Variants in NDUFA11 observed in about 807,000 individuals in gnomAD.
NDUFA11 encodes the protein NADH dehydrogenase [ubiquinone] 1 alpha subcomplex subunit 11.
NDUFA11 carries 14 observed loss-of-function variants against 11.3 expected under a neutral mutation model. That is an observed-to-expected ratio of 1.24 (90% CI 0.82 to 1.94). The LOEUF is 1.94. NDUFA11 is among the 30% of genes most tolerant of loss of function. The pLI is 0.00. For synonymous variants in NDUFA11, 87 were observed against 85.6 expected (o/e 1.02, Z -0.09); for missense variants, 204 against 200.3 (o/e 1.02, Z -0.11).
chr19:5,894,907 G>C, intron 3 of NDUFA11, 53 bp from the exon 4 acceptor site: 1 of 1,534,564 alleles, frequency 6.5e-7, no homozygotes, highest in Non-Finnish European at 8.8e-7. Flanking sequence ...GCCGGACCAA[G>C]ACGCTCCACG....
Position 5,896,901 on chromosome 19 carries a change from T to C in NDUFA11, c.190+4A>G, listed in dbSNP as rs2057613340. 6.2e-7 allele frequency: 1 copy of C among 1,612,810 alleles called. No homozygotes were observed. The highest frequency in any genetic ancestry group is 8.5e-7 in the Non-Finnish European group (1 of 1,178,964). ...CCCAGCCATGCCCAGCCCAGCGTGC[T>C]CACCTGCAGTGAACGTGTATTGTCC... On this transcript the variant is annotated splice_donor_region_variant and intron_variant, in intron 2 of 3. Transcript: ENST00000308961. This position sits in a 1 kb window ranked among gnomAD's most constrained non-coding sequence, Gnocchi z 5.8.
In NDUFA11 at chr19:5,896,641, C is replaced by T; in HGVS notation, c.191-66G>A. The T allele has an allele frequency of 6.5e-7, 1 of 1,549,222 alleles. No individual in the cohort carries two copies. Among genetic ancestry groups the T allele is most frequent in the Non-Finnish European group, 8.7e-7 (1 of 1,146,434 alleles). Reference sequence around the variant, plus strand: ...ACAGCAGGAGCCTCTTGGGCGCTCACTGCCAGTGTCTGGATGGAGAGAGAT... The same window carrying T: ...ACAGCAGGAGCCTCTTGGGCGCTCATTGCCAGTGTCTGGATGGAGAGAGAT... On this transcript the variant is annotated intron_variant, in intron 2 of 3. Transcript: ENST00000308961. This position sits in a 1 kb window ranked among gnomAD's most constrained non-coding sequence, Gnocchi z 5.8.
chr19:5,897,110 T>G (rs2057615290), intron 1 of NDUFA11, 113 bp from the exon 2 acceptor site: 10 of 845,118 alleles, frequency 1.2e-5, no homozygotes, highest in Non-Finnish European at 1.8e-5. Flanking sequence ...CCCCCCTTCT[T>G]TGCCCATAGT....
In NDUFA11 at chr19:5,896,542, C is replaced by T; in HGVS notation, c.224G>A (p.Cys75Tyr). 6.4e-7 allele frequency: 1 copy of T among 1,568,992 alleles called. No individual in the cohort carries two copies. The highest frequency in any genetic ancestry group is 8.6e-7 in the Non-Finnish European group (1 of 1,157,580). Residue 75 changes from cysteine (C) to tyrosine (Y), a missense_variant, in exon 3 of 4, where the codon TGC becomes TAC. Transcript: ENST00000308961. The surrounding 1 kb of genome is among the most constrained non-coding windows in gnomAD (Gnocchi z 5.8). ...AVGAVFGLTT[C>Y]ISAHVREKPD... ...CTTCTCGCGGACATGGGCGCTGATGCAGGTGGTGAGGCCAAACACGGCCCC... is the reference window on the plus strand; with the variant it reads ...CTTCTCGCGGACATGGGCGCTGATGTAGGTGGTGAGGCCAAACACGGCCCC...
chr19:5,894,673 C>T (rs1252422317), downstream of NDUFA11: 1 of 1,563,822 alleles, frequency 6.4e-7, no homozygotes, highest in South Asian at 1.2e-5. Context: ...CGGACACTGA[C>T]ACACACACAG....
At chr19:5,899,855 T>C (rs2057634072) in intron 1 of NDUFA11, 2 of 152,074 alleles carry the variant, frequency 1.3e-5, no homozygotes, top group Non-Finnish European at 2.9e-5. Context: ...GACAGTCTTA[T>C]AACCCTCTCA....
At chr19:5,892,704 G>T, downstream of NDUFA11, 1 of 565,718 alleles carries the variant, frequency 1.8e-6, no homozygotes, top group Non-Finnish European at 2.8e-6. Context: ...AGCAGGCCGT[G>T]CTGTGGTGGG....
Position 5,901,739 on chromosome 19 carries a change from G to A in NDUFA11, c.97+1873C>T, listed in dbSNP as rs1599696857. Reference sequence around the variant, plus strand: ...GGCTGGAGTGCAGAGGCGCAATCTCGGCTCACTGCAAGCTCCGCCTCCCAG... The same window carrying A: ...GGCTGGAGTGCAGAGGCGCAATCTCAGCTCACTGCAAGCTCCGCCTCCCAG... On this transcript the variant is annotated intron_variant, in intron 1 of 3. Transcript: ENST00000308961. Among the ~76,000 whole-genome samples, 5 of 150,556 alleles carry A rather than the reference G, an allele frequency of 3.3e-5. 1 individual carries two copies. Among genetic ancestry groups the A allele is most frequent in the Admixed American group, 3.3e-4 (5 of 15,124 alleles).
intron 3 of NDUFA11, chr19:5,895,154 A>T: frequency 2.4e-6 from 1 of 424,172 alleles, no homozygotes; most frequent in Non-Finnish European, 4.4e-6. Context: ...GGGCTGGGGC[A>T]AGGCTGGGCA....
At chr19:5,892,940 G>A, downstream of NDUFA11, 1 of 1,453,516 alleles carries the variant, frequency 6.9e-7, no homozygotes, top group Non-Finnish European at 9.0e-7. Flanking sequence ...TTCGAACCCA[G>A]AGTGTTTAAC....
chr19:5,895,096 GC>G (rs905784771), intron 3 of NDUFA11: 8 of 540,128 alleles, frequency 1.5e-5, no homozygotes, highest in Non-Finnish European at 2.0e-5. Flanking sequence ...TCCTCATCCC[GC>G]CCCACACTGA....
In NDUFA11 at chr19:5,902,119, G is replaced by A. The variant is rs1025237354; in HGVS notation, c.97+1493C>T. ...GCCTCCCAAGTAGCTGGGACTACAG[G>A]CACCCGCCATCATGCCTGGCTGATT... is the stretch of plus-strand genomic sequence containing the variant. On this transcript the variant is annotated intron_variant, in intron 1 of 3. Coordinates refer to ENST00000308961, the MANE Select transcript of NDUFA11 (RefSeq NM_175614.5). 5.3e-5 allele frequency among the ~76,000 whole-genome samples: 8 copies of A among 151,180 alleles called. No homozygotes were observed. In the Admixed American group the frequency reaches 5.3e-4, roughly 10 times the overall value.
Position 5,896,302 on chromosome 19 carries a change from G to T in NDUFA11, c.313+151C>A. ...CACAGTAGGTGCTTAAGCAGCAGCA[G>T]CAGCTGTCGCTATGACTGAAATGGC... On this transcript the variant is annotated intron_variant, in intron 3 of 3. Coordinates refer to ENST00000308961, the MANE Select transcript of NDUFA11 (RefSeq NM_175614.5). This position sits in a 1 kb window ranked among gnomAD's most constrained non-coding sequence, Gnocchi z 5.8. 1.1e-6 allele frequency: 1 copy of T among 926,884 alleles called. No individual in the cohort carries two copies. The highest frequency in any genetic ancestry group is 1.6e-6 in the Non-Finnish European group (1 of 621,328). 57.4% of individuals were successfully genotyped at this position (926,884 alleles called of 1,614,324 possible).
In NDUFA11 at chr19:5,896,720, G is replaced by T; in HGVS notation, c.191-145C>A. The T allele has an allele frequency of 7.5e-7, 1 of 1,335,300 alleles. No individual in the cohort carries two copies. The allele number at this position is 1,335,300 out of a possible 1,614,324, so 82.7% of individuals were successfully genotyped here. A position where few individuals can be genotyped will look rare whatever the true frequency, so the allele number is the denominator to read the frequency against. On this transcript the variant is annotated intron_variant, in intron 2 of 3. Transcript: ENST00000308961. The surrounding 1 kb of genome is among the most constrained non-coding windows in gnomAD (Gnocchi z 5.8). ...GCAGCCTCCTGGCCCCAGTCCTGGA[G>T]CTGTTCTCCTGGGCCTCCCCACCCT...
downstream of NDUFA11, chr19:5,893,154 G>A (rs1024471770): frequency 6.5e-6 from 10 of 1,535,956 alleles, no homozygotes; most frequent in Admixed American, 9.8e-5. This position sits in a 1 kb window ranked among gnomAD's most constrained non-coding sequence, Gnocchi z 4.1. Flanking sequence ...CGAGGCAGGC[G>A]CTGGAAGAAG....
chr19:5,900,910 CAAA>C (rs1305134254), intron 1 of NDUFA11, among the ~76,000 whole-genome samples: 6 of 51,624 alleles, frequency 1.2e-4, no homozygotes, highest in Admixed American at 2.0e-4. Flanking sequence ...GACTCCGTCT[CAAA>C]AAAAAAAAAA....
intron 1 of NDUFA11, among the ~76,000 whole-genome samples, chr19:5,900,579 C>G (rs988345939): frequency 6.6e-6 from 1 of 152,162 alleles, no homozygotes; most frequent in African/African-American, 2.4e-5. Context: ...CCCAGAAACA[C>G]GTTTCAGCAA....
chr19:5,897,375 G>T (rs2057617101), intron 1 of NDUFA11, among the ~76,000 whole-genome samples: 1 of 152,176 alleles, frequency 6.6e-6, no homozygotes, highest in South Asian at 2.1e-4. Context: ...CAGTTCTGCG[G>T]CTGCTTCCAG....
chr19:5,894,887 G>A lies in NDUFA11; in HGVS notation c.314-33C>T, dbSNP rs766112807. ...AGTGGGGAGGTGATGTCAGGCCCGGGTGGGGCTCGGCCGGACCAAGACGCT... is the reference window on the plus strand; with the variant it reads ...AGTGGGGAGGTGATGTCAGGCCCGGATGGGGCTCGGCCGGACCAAGACGCT... On this transcript the variant is annotated intron_variant, in intron 3 of 3. Transcript: ENST00000308961. 5 of 1,564,282 alleles carry A rather than the reference G, an allele frequency of 3.2e-6. No homozygotes were observed. The East Asian group carries it at 1.2e-4, about 37-fold the overall frequency.
Sources: gnomAD v4.1 joint callset for allele counts (sites outside exome capture counted in the v4.1 genomes callset) on GRCh38, gnomAD v4.1.1 for gene constraint, Gnocchi (gnomAD v3.1) non-coding constraint, MANE v1.5 for transcripts, NCBI Gene and HGNC (gene_info 2026-07-23, HGNC 2026-07-21) for gene names.